Variants in FHIP1A observed in about 807,000 individuals in gnomAD.
FHIP1A encodes FHF complex subunit HOOK-interacting protein 1A.
FHIP1A carries 61 observed loss-of-function variants against 88.6 expected under a neutral mutation model. That is an observed-to-expected ratio of 0.69 (90% CI 0.56 to 0.85). FHIP1A has a LOEUF of 0.85. Ranked by LOEUF, FHIP1A falls within the 40% of genes least tolerant of loss-of-function variation. The pLI, the probability that FHIP1A is intolerant of heterozygous loss-of-function variation, is 0.00. For synonymous variants in FHIP1A, 478 were observed against 496.0 expected (o/e 0.96, Z 0.48); for missense variants, 1,154 against 1,273.5 (o/e 0.91, Z 1.43).
In FHIP1A at chr4:151,455,233, A is replaced by G. The variant is rs115445192; in HGVS notation, c.-248+425A>G. On this transcript the variant is annotated intron_variant, in intron 2 of 13. Coordinates refer to ENST00000435205, the MANE Select transcript of FHIP1A (RefSeq NM_001109977.3). ...TGGTTTGAAAATTCACAGAAAATAT[A>G]ATTAAAGCTATCAAAGCCAAAGAAT... 4.9e-3 allele frequency among the ~76,000 whole-genome samples: 742 copies of G among 152,348 alleles called. 6 individuals carry two copies. Among genetic ancestry groups the G allele is most frequent in the African/African-American group, 0.017 (702 of 41,580 alleles).
At chr4:151,468,482 G>GC (rs1374096467) in intron 2 of FHIP1A, among the ~76,000 whole-genome samples, 1 of 152,048 alleles carries the variant, frequency 6.6e-6, no homozygotes, top group Non-Finnish European at 1.5e-5. Flanking sequence ...CCTTAACCCT[G>GC]CATCCCCTTT....
intron 3 of FHIP1A, among the ~76,000 whole-genome samples, chr4:151,542,291 G>A (rs1732324054): frequency 6.6e-6 from 1 of 152,068 alleles, no homozygotes. Context: ...CAACATTTAA[G>A]GAAATCAAAA....
chr4:151,521,711 ATGTATGTATGTATT>A (rs1731452817), intron 3 of FHIP1A, among the ~76,000 whole-genome samples: 34 of 91,040 alleles, frequency 3.7e-4, no homozygotes, highest in Admixed American at 3.7e-3. Flanking sequence ...GTATGTATGT[ATGTATGTATGTATT>A]TTTTTATTTA....
chr4:151,573,514 A>T (rs1042425441), intron 4 of FHIP1A, among the ~76,000 whole-genome samples: 3 of 152,164 alleles, frequency 2.0e-5, no homozygotes, highest in Admixed American at 2.0e-4. Context: ...TTTGCAAAGT[A>T]TATTTTGGTT....
At chr4:151,505,906 T>C (rs1730822149) in intron 3 of FHIP1A, among the ~76,000 whole-genome samples, 1 of 152,202 alleles carries the variant, frequency 6.6e-6, no homozygotes, top group East Asian at 1.9e-4. Context: ...TGTTGAATGA[T>C]ATTGTGGGAA....
chr4:151,663,934 C>T lies in FHIP1A; in HGVS notation c.*1180C>T, dbSNP rs1419918828. Among the ~76,000 whole-genome samples, 1 of 152,200 alleles carries T rather than the reference C, an allele frequency of 6.6e-6. No individual in the cohort carries two copies. Among genetic ancestry groups the T allele is most frequent in the Non-Finnish European group, 1.5e-5 (1 of 68,042 alleles). ...AGGCCCCAACGTGCTGTATGAGCGT[C>T]CCTCTGCTGCTTTGCAGCCTGCTCC... On this transcript the variant is annotated 3_prime_UTR_variant, in exon 14 of 14. Coordinates refer to ENST00000435205, the MANE Select transcript of FHIP1A (RefSeq NM_001109977.3).
At chr4:151,416,994 A>G (rs1226131800) in intron 1 of FHIP1A, among the ~76,000 whole-genome samples, 1 of 152,094 alleles carries the variant, frequency 6.6e-6, no homozygotes, top group Non-Finnish European at 1.5e-5. Flanking sequence ...CATGTTGCTC[A>G]GGCTGGTCTT....
At chr4:151,606,850 A>G (rs748228355) in intron 7 of FHIP1A, among the ~76,000 whole-genome samples, 7 of 152,160 alleles carry the variant, frequency 4.6e-5, no homozygotes, top group African/African-American at 7.2e-5. Context: ...AAGCATACCT[A>G]TGTGCCCACC....
At chr4:151,639,943 T>A (rs143098222) in intron 9 of FHIP1A, among the ~76,000 whole-genome samples, 1 of 152,150 alleles carries the variant, frequency 6.6e-6, no homozygotes, top group Non-Finnish European at 1.5e-5. Flanking sequence ...CTAGTCCACA[T>A]TGGGGTTTTG....
chr4:151,634,620 C>CT (rs935356098), intron 8 of FHIP1A, among the ~76,000 whole-genome samples: 5 of 151,548 alleles, frequency 3.3e-5, no homozygotes, highest in Admixed American at 2.6e-4. Flanking sequence ...GTCAAATGAT[C>CT]TTTGACAAGG....
chr4:151,598,038 C>T (rs896821522), intron 7 of FHIP1A, among the ~76,000 whole-genome samples: 3 of 151,836 alleles, frequency 2.0e-5, no homozygotes, highest in South Asian at 4.2e-4. Flanking sequence ...GGGGAGTGAA[C>T]GGTTCTGTCT....
chr4:151,538,712 A>T (rs752242090), intron 3 of FHIP1A, among the ~76,000 whole-genome samples: 2 of 152,220 alleles, frequency 1.3e-5, no homozygotes, highest in Non-Finnish European at 2.9e-5. Context: ...GAGTCAAGTT[A>T]TGGCGGAACT....
At chr4:151,552,473 A>G (rs543813666) in intron 3 of FHIP1A, among the ~76,000 whole-genome samples, 3 of 152,350 alleles carry the variant, frequency 2.0e-5, no homozygotes, top group South Asian at 4.1e-4. Flanking sequence ...TGGCACATAT[A>G]CACCATGGAA....
chr4:151,521,540 G>C (rs965323053), intron 3 of FHIP1A, among the ~76,000 whole-genome samples: 20 of 152,132 alleles, frequency 1.3e-4, no homozygotes, highest in Non-Finnish European at 1.6e-4. Flanking sequence ...GCTAGATCTT[G>C]GTAAAGCACA....
At chr4:151,445,995 A>G (rs1210881728) in intron 1 of FHIP1A, among the ~76,000 whole-genome samples, 1 of 151,786 alleles carries the variant, frequency 6.6e-6, no homozygotes, top group Non-Finnish European at 1.5e-5. Context: ...GCACATGTGC[A>G]AGAGTTTCTC....
intron 3 of FHIP1A, among the ~76,000 whole-genome samples, chr4:151,560,357 ACAT>A (rs1733124579): frequency 6.6e-6 from 1 of 152,156 alleles, no homozygotes; most frequent in Non-Finnish European, 1.5e-5. Context: ...AGACTAAACA[ACAT>A]CACTTGCCAA....
At position 151,663,598 on chromosome 4, in the gene FHIP1A, TG is replaced by T. The variant is rs1737555693; in HGVS notation, c.*845del. Reference sequence around the variant, plus strand: ...GTAAGAAGACAACCATCATTATTTTTGTAAGTGTTTTATAAAAACAAACTGA... The same window carrying T: ...GTAAGAAGACAACCATCATTATTTTTTAAGTGTTTTATAAAAACAAACTGA... On this transcript the variant is annotated 3_prime_UTR_variant, in exon 14 of 14. Coordinates refer to ENST00000435205, the MANE Select transcript of FHIP1A (RefSeq NM_001109977.3). The T allele has an allele frequency of 6.6e-6, 1 of 152,256 alleles. No individual in the cohort carries two copies. 9.4% of individuals were successfully genotyped at this position (152,256 alleles called of 1,614,324 possible).
intron 4 of FHIP1A, among the ~76,000 whole-genome samples, chr4:151,569,728 G>A (rs912486303): frequency 6.6e-6 from 1 of 152,056 alleles, no homozygotes; most frequent in Admixed American, 6.5e-5. Context: ...ATTGATGGAG[G>A]AGATCTGCTT....
At chr4:151,443,485 A>G (rs543544557) in intron 1 of FHIP1A, among the ~76,000 whole-genome samples, 10 of 152,130 alleles carry the variant, frequency 6.6e-5, no homozygotes, top group African/African-American at 2.4e-4. Context: ...TCCCAAATTA[A>G]CACTTCGCTT....
Sources: gnomAD v4.1 joint callset for allele counts (sites outside exome capture counted in the v4.1 genomes callset) on GRCh38, gnomAD v4.1.1 for gene constraint, MANE v1.5 for transcripts, NCBI Gene and HGNC (gene_info 2026-07-23, HGNC 2026-07-21) for gene names.